Variants in SHISA9 observed in about 807,000 individuals in gnomAD.
SHISA9 encodes shisa family member 9, also known as protein shisa-9.
SHISA9 carries 13 observed loss-of-function variants against 38.0 expected under a neutral mutation model. The observed-to-expected ratio is 0.34, with a 90% CI of 0.22 to 0.54. SHISA9 has a LOEUF of 0.54. Among genes scored for constraint, SHISA9 ranks in the 20% least tolerant of loss-of-function variants. The pLI is 0.91. For missense variants in SHISA9, 538 were observed against 575.8 expected (o/e 0.93, Z 0.67); for synonymous variants, 275 against 242.0 (o/e 1.14, Z -1.27).
At chr16:13,001,055 G>A (rs2072518406) in intron 2 of SHISA9, among the ~76,000 whole-genome samples, 1 of 152,180 alleles carries the variant, frequency 6.6e-6, no homozygotes, top group Non-Finnish European at 1.5e-5. Context: ...ACCCCGCCGA[G>A]TAGCTGGGAC....
At chr16:13,499,950 G>C in the SHISA9 span, among the ~76,000 whole-genome samples, 3 of 152,292 alleles carry the variant, frequency 2.0e-5, no homozygotes, top group Middle Eastern at 0.01. Flanking sequence ...TCAGAGGCTT[G>C]ATCCTCACCC....
chr16:13,005,465 C>T (rs2072586727), intron 2 of SHISA9, among the ~76,000 whole-genome samples: 1 of 152,096 alleles, frequency 6.6e-6, no homozygotes. Context: ...AAATGAGGTT[C>T]AGAGAAGTTA....
intron 2 of SHISA9, among the ~76,000 whole-genome samples, chr16:12,956,008 T>G (rs922400490): frequency 6.6e-6 from 1 of 152,156 alleles, no homozygotes; most frequent in African/African-American, 2.4e-5. Context: ...AAATTGTGCC[T>G]CCGACAAAAG....
chr16:12,935,513 G>T (rs1160867811), intron 2 of SHISA9, among the ~76,000 whole-genome samples: 1 of 152,154 alleles, frequency 6.6e-6, no homozygotes, highest in African/African-American at 2.4e-5. Context: ...GGGCATATGT[G>T]ATCATGGGAA....
At chr16:13,090,208 T>A (rs1332938952) in intron 2 of SHISA9, among the ~76,000 whole-genome samples, 7 of 152,142 alleles carry the variant, frequency 4.6e-5, no homozygotes, top group Admixed American at 1.3e-4. Context: ...TGCTAAGGAG[T>A]GCTTTACTTC....
At chr16:13,402,395 T>C in the SHISA9 span, among the ~76,000 whole-genome samples, 1 of 152,038 alleles carries the variant, frequency 6.6e-6, no homozygotes, top group Non-Finnish European at 1.5e-5. Context: ...TGCACAAGGG[T>C]AGGACAAGAA....
the SHISA9 span, among the ~76,000 whole-genome samples, chr16:13,543,112 C>G: frequency 6.6e-6 from 1 of 152,170 alleles, no homozygotes; most frequent in East Asian, 1.9e-4. Flanking sequence ...GGGCAAGATG[C>G]TGGAGATACA....
chr16:13,099,149 C>T (rs982117045), intron 2 of SHISA9, among the ~76,000 whole-genome samples: 5 of 152,214 alleles, frequency 3.3e-5, no homozygotes, highest in South Asian at 2.1e-4. Flanking sequence ...ATTCACTGAC[C>T]GATCATCTAT....
chr16:13,154,412 G>A (rs564560773), intron 2 of SHISA9, among the ~76,000 whole-genome samples: 2 of 152,252 alleles, frequency 1.3e-5, no homozygotes, highest in East Asian at 1.9e-4. Flanking sequence ...GAAATGTAGC[G>A]GATCTCTTCT....
chr16:13,446,439 A>G, the SHISA9 span, among the ~76,000 whole-genome samples: 6 of 152,182 alleles, frequency 3.9e-5, no homozygotes, highest in Non-Finnish European at 8.8e-5. Flanking sequence ...AGTCTATAAG[A>G]TAAAAAATTG....
intron 1 of SHISA9, among the ~76,000 whole-genome samples, chr16:12,908,086 T>G (rs1666871754): frequency 6.6e-6 from 1 of 152,330 alleles, no homozygotes. Flanking sequence ...GGTGGAGGAT[T>G]CACTGAGACA....
the SHISA9 span, among the ~76,000 whole-genome samples, chr16:13,297,783 T>G: frequency 6.6e-6 from 1 of 151,972 alleles, no homozygotes; most frequent in Non-Finnish European, 1.5e-5. Flanking sequence ...TGAGGCAGAG[T>G]TTTGCTCTTG....
intron 2 of SHISA9, among the ~76,000 whole-genome samples, chr16:13,168,112 G>C (rs573912187): frequency 5.9e-5 from 9 of 152,156 alleles, no homozygotes; most frequent in Admixed American, 3.3e-4. Flanking sequence ...AGATAGTAAA[G>C]GACTTAACTT....
the SHISA9 span, among the ~76,000 whole-genome samples, chr16:13,288,145 A>T: frequency 2.0e-5 from 3 of 152,200 alleles, no homozygotes; most frequent in Non-Finnish European, 4.4e-5. Flanking sequence ...ACTAGGTTAA[A>T]AAAAGAAAAA....
chr16:13,066,001 A>G (rs967553776), intron 2 of SHISA9, among the ~76,000 whole-genome samples: 1 of 152,248 alleles, frequency 6.6e-6, no homozygotes, highest in Non-Finnish European at 1.5e-5. Flanking sequence ...TTCAAACCCA[A>G]GACCTTCAAT....
the SHISA9 span, among the ~76,000 whole-genome samples, chr16:13,262,812 C>A: frequency 3.3e-5 from 5 of 152,086 alleles, no homozygotes; most frequent in East Asian, 9.6e-4. Context: ...TTGGGGTGAG[C>A]TACATTCACT....
the SHISA9 span, among the ~76,000 whole-genome samples, chr16:13,438,384 C>G: frequency 6.6e-6 from 1 of 152,018 alleles, no homozygotes; most frequent in Non-Finnish European, 1.5e-5. Context: ...TCACAGAGAC[C>G]TAACAGCATC....
chr16:12,960,049 A>G (rs1433649410), intron 2 of SHISA9, among the ~76,000 whole-genome samples: 2 of 152,240 alleles, frequency 1.3e-5, no homozygotes, highest in African/African-American at 4.8e-5. Context: ...GAAATGCCTT[A>G]TAAATAGGTC....
chr16:13,248,369 T>C, the SHISA9 span, among the ~76,000 whole-genome samples: 1 of 151,852 alleles, frequency 6.6e-6, no homozygotes, highest in Non-Finnish European at 1.5e-5. Flanking sequence ...CCTTCCCCCT[T>C]CTCCAAAAAA....
Sources: allele counts gnomAD v4.1 joint callset (sites outside exome capture counted in the v4.1 genomes callset), GRCh38; gene constraint gnomAD v4.1.1; transcripts MANE v1.5; gene names NCBI Gene and HGNC (gene_info 2026-07-23, HGNC 2026-07-21).